The following BARD1 variants were observed in gnomAD, a reference collection of about 807,000 sequenced individuals.
The protein encoded by BARD1 is BRCA1-associated RING domain protein 1.
In BARD1, 73 loss-of-function variants were observed where a neutral mutation model predicts 77.0. That is an observed-to-expected ratio of 0.95 (90% CI 0.79 to 1.15). The LOEUF is 1.15. Ranked by LOEUF, BARD1 falls within the 50% of genes most tolerant of loss-of-function variation. BARD1 has a pLI of 0.00. For missense variants in BARD1, 993 were observed against 938.8 expected (o/e 1.06, Z -0.75); for synonymous variants, 384 against 338.0 (o/e 1.14, Z -1.49).
At chr2:214,788,378 TCTC>T (rs1314444229) in intron 3 of BARD1, among the ~76,000 whole-genome samples, 1 of 151,956 alleles carries the variant, frequency 6.6e-6, no homozygotes, top group East Asian at 1.9e-4. Context: ...AATTTGACAA[TCTC>T]CTCTTTAAAG....
In BARD1 at chr2:214,745,305, T is replaced by G; in HGVS notation, c.1811-146A>C. On this transcript the variant is annotated intron_variant, in intron 8 of 10. Transcript: ENST00000260947. Reference sequence around the variant, plus strand: ...TTTTACACTTAAGTGTAAGACTACTTCTATTTAGTATCTAGTTCTCTAACC... The same window carrying G: ...TTTTACACTTAAGTGTAAGACTACTGCTATTTAGTATCTAGTTCTCTAACC... 3 of 700,926 alleles carry G rather than the reference T, an allele frequency of 4.3e-6. No individual in the cohort carries two copies. The South Asian group carries it at 5.3e-5, about 12-fold the overall frequency. The allele number at this position is 700,926 out of a possible 1,614,324, so 43.4% of individuals were successfully genotyped here. A position where few individuals can be genotyped will look rare whatever the true frequency, so the allele number is the denominator to read the frequency against.
chr2:214,756,702 A>G (rs1455206333), intron 6 of BARD1, among the ~76,000 whole-genome samples: 1 of 152,230 alleles, frequency 6.6e-6, no homozygotes, highest in Non-Finnish European at 1.5e-5. Context: ...ACTGGAGACT[A>G]TTATTCTAGG....
At chr2:214,804,453 T>C (rs1351666630) in intron 1 of BARD1, among the ~76,000 whole-genome samples, 1 of 152,194 alleles carries the variant, frequency 6.6e-6, no homozygotes. Flanking sequence ...TCACTCAAAA[T>C]ATTCCATAAA....
chr2:214,791,515 G>A (rs1408598445), intron 3 of BARD1, among the ~76,000 whole-genome samples: 2 of 152,162 alleles, frequency 1.3e-5, no homozygotes, highest in Non-Finnish European at 2.9e-5. Context: ...ATCCAATTAT[G>A]AAGATACAAA....
At chr2:214,791,740 T>C (rs1695523993) in intron 3 of BARD1, among the ~76,000 whole-genome samples, 1 of 152,188 alleles carries the variant, frequency 6.6e-6, no homozygotes, top group South Asian at 2.1e-4. Context: ...TCGTATTCTA[T>C]CTTGGGAAAG....
intron 6 of BARD1, among the ~76,000 whole-genome samples, chr2:214,753,062 A>G (rs888980214): frequency 3.9e-4 from 60 of 152,334 alleles, no homozygotes; most frequent in African/African-American, 1.4e-3. Flanking sequence ...ACAATAACCT[A>G]TAATAATCAC....
chr2:214,768,687 T>C (rs4234005), intron 5 of BARD1, among the ~76,000 whole-genome samples: 56,502 of 152,080 alleles, frequency 0.37, 10,636 homozygotes, highest in Middle Eastern at 0.45. Context: ...TGTTTCCAAG[T>C]ATTTGTGTCA....
chr2:214,804,423 A>G (rs9973547), intron 1 of BARD1, among the ~76,000 whole-genome samples: 3,996 of 152,298 alleles, frequency 0.026, 175 homozygotes, highest in African/African-American at 0.091. Flanking sequence ...TACTAAATAT[A>G]TAACTGAAGG....
intron 3 of BARD1, among the ~76,000 whole-genome samples, chr2:214,786,141 C>T (rs531733304): frequency 1.3e-5 from 2 of 152,006 alleles, no homozygotes; most frequent in African/African-American, 4.8e-5. Context: ...AGGGATATAA[C>T]ATCTACCATA....
intron 9 of BARD1, among the ~76,000 whole-genome samples, chr2:214,735,346 A>G (rs1011857051): frequency 6.6e-5 from 10 of 152,172 alleles, no homozygotes; most frequent in African/African-American, 2.4e-4. Flanking sequence ...TGAGAGCTGA[A>G]AAGAGGAGGT....
chr2:214,763,398 G>T (rs1694049939), intron 6 of BARD1, among the ~76,000 whole-genome samples: 2 of 152,152 alleles, frequency 1.3e-5, no homozygotes, highest in Non-Finnish European at 2.9e-5. Flanking sequence ...GCAGACAACT[G>T]AGGGGATGAT....
At chr2:214,744,184 G>A (rs1188370888) in intron 9 of BARD1, among the ~76,000 whole-genome samples, 1 of 152,136 alleles carries the variant, frequency 6.6e-6, no homozygotes, top group Non-Finnish European at 1.5e-5. Flanking sequence ...AGCAGGGAAG[G>A]TGACAGGCAG....
At chr2:214,733,651 A>T (rs1692449996) in intron 9 of BARD1, among the ~76,000 whole-genome samples, 1 of 152,170 alleles carries the variant, frequency 6.6e-6, no homozygotes, top group Non-Finnish European at 1.5e-5. Flanking sequence ...ACTTTCATTA[A>T]TATTGTATGC....
At chr2:214,750,259 A>G (rs1174766000) in intron 7 of BARD1, among the ~76,000 whole-genome samples, 1 of 152,048 alleles carries the variant, frequency 6.6e-6, no homozygotes, top group Non-Finnish European at 1.5e-5. Flanking sequence ...GCAGCCTCCC[A>G]ATCAGCCTTC....
At chr2:214,741,087 G>T (rs1207610716) in intron 9 of BARD1, among the ~76,000 whole-genome samples, 2 of 152,002 alleles carry the variant, frequency 1.3e-5, no homozygotes, top group East Asian at 3.8e-4. Flanking sequence ...GTCTTCTAGG[G>T]TCCATCTCTC....
In BARD1 at chr2:214,775,593, C is replaced by T. The variant is rs541235940; in HGVS notation, c.1314+4967G>A. ...GACACAGAGACACACTGAGCATAGG[C>T]TGTTGGAAAAACAGCACTGACAGAC... On this transcript the variant is annotated intron_variant, in intron 4 of 10. Transcript: ENST00000260947. Among the ~76,000 whole-genome samples, 11 of 152,228 alleles carry T rather than the reference C, an allele frequency of 7.2e-5. No homozygotes were observed. In the South Asian group the frequency reaches 2.1e-3, roughly 29 times the overall value.
rs114838921 is a variant in BARD1, at chr2:214,756,279, G to A, written c.1569-3724C>T. On this transcript the variant is annotated intron_variant, in intron 6 of 10. Transcript: ENST00000260947. ...GGAAAATGCAAATCAAAACCATATT[G>A]ATACCACCTTACTCCTGCAAGAATG... is the stretch of plus-strand genomic sequence containing the variant. Among the ~76,000 whole-genome samples the A allele has an allele frequency of 7.7e-3, 1,174 of 152,172 alleles. 14 individuals carry two copies. The highest frequency in any genetic ancestry group is 0.027 in the African/African-American group (1,101 of 41,508).
At chr2:214,793,064 C>T (rs921916953) in intron 2 of BARD1, among the ~76,000 whole-genome samples, 9 of 152,150 alleles carry the variant, frequency 5.9e-5, no homozygotes, top group South Asian at 2.1e-4. Flanking sequence ...CGATCCCCCC[C>T]ACAAGCCCAT....
chr2:214,802,289 A>G (rs1280256100), intron 1 of BARD1, among the ~76,000 whole-genome samples: 1 of 152,146 alleles, frequency 6.6e-6, no homozygotes, highest in Non-Finnish European at 1.5e-5. Flanking sequence ...ATGAGCTATT[A>G]AACACTTTAT....
Sources: allele counts gnomAD v4.1 joint callset (sites outside exome capture counted in the v4.1 genomes callset), GRCh38; gene constraint gnomAD v4.1.1; transcripts MANE v1.5; gene names NCBI Gene and HGNC (gene_info 2026-07-23, HGNC 2026-07-21).